The following STK3 variants were observed in gnomAD, a reference collection of about 807,000 sequenced individuals.
STK3 encodes the protein serine/threonine-protein kinase 3.
Under a neutral mutation model 58.0 loss-of-function variants are expected in STK3, and 41 were observed. That is an observed-to-expected ratio of 0.71 (90% CI 0.55 to 0.92). The LOEUF (loss-of-function observed/expected upper bound fraction) is 0.92. Ranked by LOEUF, STK3 falls within the 40% of genes least tolerant of loss-of-function variation. The probability of loss-of-function intolerance (pLI) is 0.00; values close to 1 mark genes in which losing one functional copy is unlikely to be tolerated. For missense variants in STK3, 479 were observed against 602.7 expected (o/e 0.79, Z 2.15); for synonymous variants, 170 against 191.0 (o/e 0.89, Z 0.91).
chr8:98,372,543 T>G (rs1817621787), intron 2 of STK3, among the ~76,000 whole-genome samples: 2 of 13,558 alleles, frequency 1.5e-4, no homozygotes, highest in South Asian at 1.8e-3. Context: ...GGTTTTTTGT[T>G]TTTTTTTTTC....
At chr8:98,681,117 G>A (rs1197183619) in intron 6 of STK3, among the ~76,000 whole-genome samples, 6 of 151,692 alleles carry the variant, frequency 4.0e-5, no homozygotes, top group African/African-American at 1.2e-4. Flanking sequence ...TCCTGCCTCA[G>A]CCTCCCAAGT....
chr8:98,535,863 A>C (rs1030286499), intron 9 of STK3, among the ~76,000 whole-genome samples: 3 of 152,142 alleles, frequency 2.0e-5, no homozygotes, highest in African/African-American at 7.2e-5. Context: ...TTCAAAACAG[A>C]AAGATGGGCT....
chr8:98,661,220 T>C (rs1367539168), intron 6 of STK3, among the ~76,000 whole-genome samples: 2 of 152,112 alleles, frequency 1.3e-5, no homozygotes, highest in Non-Finnish European at 2.9e-5. Context: ...ACTTCTAGAA[T>C]AGAGATAACT....
intron 10 of STK3, among the ~76,000 whole-genome samples, chr8:98,471,357 CTTT>C (rs554417267): frequency 8.5e-5 from 11 of 129,604 alleles, no homozygotes; most frequent in Admixed American, 1.6e-4. Flanking sequence ...TTTTCCTTTT[CTTT>C]TTTTTTTTTT....
At chr8:98,635,744 T>A (rs1479347110) in intron 6 of STK3, among the ~76,000 whole-genome samples, 2 of 152,134 alleles carry the variant, frequency 1.3e-5, no homozygotes, top group African/African-American at 4.8e-5. Context: ...TTAATCTGTA[T>A]AAACATGTAT....
intron 6 of STK3, among the ~76,000 whole-genome samples, chr8:98,694,706 T>A (rs1487251100): frequency 6.6e-6 from 1 of 152,220 alleles, no homozygotes; most frequent in Non-Finnish European, 1.5e-5. Context: ...CTGCATATCA[T>A]TCCATGGTGT....
intron 1 of STK3, among the ~76,000 whole-genome samples, chr8:98,799,419 AG>A (rs1833375637): frequency 6.6e-6 from 1 of 152,042 alleles, no homozygotes; most frequent in Admixed American, 6.6e-5. Flanking sequence ...AAAAAGAGGG[AG>A]TCACAGAGAA....
chr8:98,711,965 G>GT (rs1446684385), intron 4 of STK3, among the ~76,000 whole-genome samples: 5 of 152,110 alleles, frequency 3.3e-5, no homozygotes, highest in South Asian at 2.1e-4. Flanking sequence ...CCAGAAGACA[G>GT]GGGGGCCAAT....
chr8:98,673,845 G>A (rs866621685), intron 6 of STK3, among the ~76,000 whole-genome samples: 2 of 152,148 alleles, frequency 1.3e-5, no homozygotes, highest in Admixed American at 6.5e-5. Flanking sequence ...CAATAGCAGT[G>A]ATACAAAATG....
At chr8:98,491,189 GAGAGAGAGAGAC>G (rs1364907265) in intron 10 of STK3, among the ~76,000 whole-genome samples, 3 of 151,434 alleles carry the variant, frequency 2.0e-5, no homozygotes, top group Non-Finnish European at 2.9e-5. Flanking sequence ...GAGAGAGAGA[GAGAGAGAGAGAC>G]AGAGAGAGAG....
At chr8:98,617,343 G>A (rs1183039615) in intron 6 of STK3, among the ~76,000 whole-genome samples, 9 of 140,224 alleles carry the variant, frequency 6.4e-5, no homozygotes, top group Admixed American at 2.9e-4. Flanking sequence ...AGCACTAAAT[G>A]CCCACAAGAG....
chr8:98,773,845 A>C (rs1831484939), intron 2 of STK3, among the ~76,000 whole-genome samples: 1 of 151,828 alleles, frequency 6.6e-6, no homozygotes, highest in Admixed American at 6.6e-5. Context: ...TGTCCAGGCT[A>C]GAGTGCAATG....
At chr8:98,378,618 G>C (rs546089271) in intron 2 of STK3, among the ~76,000 whole-genome samples, 12 of 152,310 alleles carry the variant, frequency 7.9e-5, no homozygotes, top group Admixed American at 7.2e-4. Flanking sequence ...GTGTGAATAC[G>C]TGTGAATAAA....
At chr8:98,828,920 C>A (rs1350251016), upstream of STK3, among the ~76,000 whole-genome samples, 1 of 152,254 alleles carries the variant, frequency 6.6e-6, no homozygotes, top group Non-Finnish European at 1.5e-5. Flanking sequence ...CTATACCTTG[C>A]ATAGCAAGTG....
chr8:98,495,291 T>A (rs1443908823), intron 10 of STK3, among the ~76,000 whole-genome samples: 1 of 152,214 alleles, frequency 6.6e-6, no homozygotes, highest in Non-Finnish European at 1.5e-5. Context: ...GGATAGAAGA[T>A]TAGATTCTAA....
intron 6 of STK3, among the ~76,000 whole-genome samples, chr8:98,656,995 C>A (rs916917451): frequency 6.6e-6 from 1 of 151,858 alleles, no homozygotes; most frequent in Non-Finnish European, 1.5e-5. Flanking sequence ...CAGATGGATA[C>A]AAAATGACAA....
intron 2 of STK3, among the ~76,000 whole-genome samples, chr8:98,376,315 G>A (rs938532832): frequency 3.3e-5 from 5 of 152,118 alleles, no homozygotes; most frequent in African/African-American, 1.2e-4. Flanking sequence ...CTATATTCTG[G>A]ATACAAGTCC....
intron 1 of STK3, among the ~76,000 whole-genome samples, chr8:98,780,147 T>C (rs1046134335): frequency 5.3e-5 from 8 of 151,494 alleles, no homozygotes; most frequent in Middle Eastern, 3.5e-3. Flanking sequence ...ATTGATTACA[T>C]TATGGTATAT....
intron 6 of STK3, among the ~76,000 whole-genome samples, chr8:98,688,757 G>T (rs1280957686): frequency 6.6e-6 from 1 of 151,984 alleles, no homozygotes; most frequent in Non-Finnish European, 1.5e-5. Flanking sequence ...CAAAACCTCT[G>T]GGATACGGCA....
Sources: gnomAD v4.1 joint callset for allele counts (sites outside exome capture counted in the v4.1 genomes callset) on GRCh38, gnomAD v4.1.1 for gene constraint, MANE v1.5 for transcripts, NCBI Gene and HGNC (gene_info 2026-07-23, HGNC 2026-07-21) for gene names.